Variants in ITGB3BP observed in about 807,000 individuals in gnomAD.
ITGB3BP encodes integrin subunit beta 3 binding protein.
In ITGB3BP, 27 loss-of-function variants were observed where a neutral mutation model predicts 29.1. The ratio of observed to expected loss-of-function variants is 0.93; its 90% CI spans 0.68 to 1.28. ITGB3BP has a LOEUF of 1.28. Among genes scored for constraint, ITGB3BP ranks in the 50% most tolerant of loss-of-function variants. The pLI is 0.00. For synonymous variants in ITGB3BP, 61 were observed against 61.4 expected (o/e 0.99, Z 0.03); for missense variants, 192 against 200.2 (o/e 0.96, Z 0.25).
At chr1:63,509,044 T>C (rs1484347049) in intron 1 of ITGB3BP, among the ~76,000 whole-genome samples, 1 of 152,216 alleles carries the variant, frequency 6.6e-6, no homozygotes, top group African/African-American at 2.4e-5. Flanking sequence ...CACATTATTC[T>C]AGCTTTAAAC....
At chr1:63,442,750 A>T (rs965322033) in intron 8 of ITGB3BP, 2 of 152,214 alleles carry the variant, frequency 1.3e-5, no homozygotes, top group Non-Finnish European at 2.9e-5. Context: ...GCCAGAACTT[A>T]GAAGAGTCTG....
chr1:63,523,225 T>A lies in ITGB3BP; in HGVS notation c.-92A>T, dbSNP rs575007797. 13 of 1,569,318 alleles carry A rather than the reference T, an allele frequency of 8.3e-6. No individual in the cohort carries two copies. Among genetic ancestry groups the A allele is most frequent in the Middle Eastern group, 2.3e-4 (1 of 4,440 alleles). On this transcript the variant is annotated 5_prime_UTR_variant, in exon 1 of 9. An upstream start codon of the reference 5' UTR is lost. Coordinates refer to ENST00000271002, the MANE Select transcript of ITGB3BP (RefSeq NM_014288.5). Reference sequence around the variant, plus strand: ...ATCCGCCAAAGGAAACGCCAAGGCATGAAAAGCGCGCGCTGGACGTTGCGT... The same window carrying A: ...ATCCGCCAAAGGAAACGCCAAGGCAAGAAAAGCGCGCGCTGGACGTTGCGT...
rs758466733 is a variant in ITGB3BP at position 63,454,011 on chromosome 1, T to C, written c.428-37A>G. 1.7e-6 allele frequency: 2 copies of C among 1,196,902 alleles called. No individual in the cohort carries two copies. The highest frequency in any genetic ancestry group is 1.2e-6 in the Non-Finnish European group (1 of 816,464). 74.1% of individuals were successfully genotyped at this position (1,196,902 alleles called of 1,614,324 possible). The stretch of plus-strand genomic sequence containing the variant: ...AAAAATCCCATGTCAAGAATTAACA[T>C]AGAATATGGATAATTTCTCAATACT... On this transcript the variant is annotated intron_variant, in intron 6 of 8. Coordinates refer to ENST00000271002, the MANE Select transcript of ITGB3BP (RefSeq NM_014288.5). The surrounding 1 kb of genome is among the most constrained non-coding windows in gnomAD (Gnocchi z 4.1).
intron 4 of ITGB3BP, among the ~76,000 whole-genome samples, chr1:63,475,392 C>CA (rs1318958899): frequency 6.6e-6 from 1 of 151,906 alleles, no homozygotes; most frequent in Non-Finnish European, 1.5e-5. Context: ...AACATCTCTA[C>CA]AAAAAAATAA....
chr1:63,445,603 CTTT>C (rs542847595), intron 8 of ITGB3BP, among the ~76,000 whole-genome samples: 2 of 140,726 alleles, frequency 1.4e-5, no homozygotes, highest in Non-Finnish European at 1.6e-5. Context: ...GCTAAGAATT[CTTT>C]TTTTTTTTTT....
At chr1:63,522,890 G>A (rs1646489095) in intron 1 of ITGB3BP, 2 of 693,336 alleles carry the variant, frequency 2.9e-6, no homozygotes, top group Non-Finnish European at 5.3e-6. Context: ...ACAGCCCACA[G>A]TTTACGAAAT....
Position 63,454,367 on chromosome 1 carries a change from C to CA in ITGB3BP, c.427+12dup. The CA allele has an allele frequency of 7.0e-7, 1 of 1,427,868 alleles. No homozygotes were observed. 88.4% of individuals were successfully genotyped at this position (1,427,868 alleles called of 1,614,324 possible). A position where few individuals can be genotyped will look rare whatever the true frequency, so the allele number is the denominator to read the frequency against. Reference sequence around the variant, plus strand: ...TTTAAAATTACTGTCATTGAAAACTCAAAAATTCTTACTTAGTTCTTTGGT... The same window carrying CA: ...TTTAAAATTACTGTCATTGAAAACTCAAAAAATTCTTACTTAGTTCTTTGGT... On this transcript the variant is annotated intron_variant, in intron 6 of 8. Coordinates refer to ENST00000271002, the MANE Select transcript of ITGB3BP (RefSeq NM_014288.5). This position sits in a 1 kb window ranked among gnomAD's most constrained non-coding sequence, Gnocchi z 4.1.
intron 2 of ITGB3BP, among the ~76,000 whole-genome samples, chr1:63,504,397 T>C (rs1284692172): frequency 1.3e-5 from 2 of 151,946 alleles, no homozygotes; most frequent in Non-Finnish European, 2.9e-5. Context: ...CCTATCAGCT[T>C]AAGGAGATTT....
chr1:63,508,611 C>T (rs781605364), intron 1 of ITGB3BP, 41 bp from the exon 2 acceptor site: 7 of 936,256 alleles, frequency 7.5e-6, no homozygotes, highest in Non-Finnish European at 1.6e-6. Context: ...ATTTGACACG[C>T]TTTATTTAAA....
chr1:63,466,992 C>A (rs1053245628), intron 4 of ITGB3BP, among the ~76,000 whole-genome samples: 1 of 152,082 alleles, frequency 6.6e-6, no homozygotes, highest in Non-Finnish European at 1.5e-5. Context: ...TCAAATGATT[C>A]TCCAAACAGC....
chr1:63,523,006 A>G (rs1443839445), intron 1 of ITGB3BP, 123 bp downstream of exon 1: 2 of 1,120,574 alleles, frequency 1.8e-6, no homozygotes, highest in Non-Finnish European at 2.7e-6. Context: ...TTGCCTGTGG[A>G]CAGAGGAGAC....
chr1:63,518,798 CT>C (rs1646390421), intron 1 of ITGB3BP, among the ~76,000 whole-genome samples: 1 of 151,610 alleles, frequency 6.6e-6, no homozygotes, highest in Non-Finnish European at 1.5e-5. Context: ...TCTTTTTTAC[CT>C]GCCTTCTTTT....
chr1:63,468,579 T>C (rs1645139798), intron 4 of ITGB3BP, among the ~76,000 whole-genome samples: 1 of 151,130 alleles, frequency 6.6e-6, no homozygotes, highest in Non-Finnish European at 1.5e-5. Flanking sequence ...TACAAAAAAT[T>C]GGCCAGGCGT....
intron 2 of ITGB3BP, among the ~76,000 whole-genome samples, chr1:63,492,905 T>C (rs1446587952): frequency 6.8e-6 from 1 of 147,754 alleles, no homozygotes. Context: ...GCTCAGGAGT[T>C]TGAAACCAGC....
At chr1:63,441,236 C>T (rs1644726106) in intron 8 of ITGB3BP, 133 bp from the exon 9 acceptor site, 1 of 152,014 alleles carries the variant, frequency 6.6e-6, no homozygotes, top group Non-Finnish European at 1.5e-5. Context: ...TGCTGGCAAC[C>T]TCTCATTTGC....
At chr1:63,499,590 G>A (rs1484009890) in intron 2 of ITGB3BP, among the ~76,000 whole-genome samples, 1 of 152,104 alleles carries the variant, frequency 6.6e-6, no homozygotes, top group African/African-American at 2.4e-5. Context: ...AAATACAGAT[G>A]TAAAAATCCT....
intron 4 of ITGB3BP, among the ~76,000 whole-genome samples, chr1:63,455,405 G>GT (rs1261478756): frequency 2.0e-5 from 3 of 151,564 alleles, no homozygotes; most frequent in Admixed American, 6.6e-5. Flanking sequence ...AATGCTTCTA[G>GT]TTTAAAAAAA....
intron 2 of ITGB3BP, among the ~76,000 whole-genome samples, chr1:63,500,625 T>A (rs1393920485): frequency 6.6e-6 from 1 of 152,174 alleles, no homozygotes; most frequent in East Asian, 1.9e-4. Flanking sequence ...TGAAAGATAA[T>A]AAGCGAGATC....
chr1:63,493,915 A>C (rs887504416), intron 2 of ITGB3BP, among the ~76,000 whole-genome samples: 4 of 152,254 alleles, frequency 2.6e-5, no homozygotes, highest in African/African-American at 9.6e-5. Context: ...CAGATACTGT[A>C]GTGTCTGGTC....
Sources: allele counts gnomAD v4.1 joint callset (sites outside exome capture counted in the v4.1 genomes callset), GRCh38; gene constraint gnomAD v4.1.1; non-coding constraint Gnocchi (gnomAD v3.1); transcripts MANE v1.5; gene names NCBI Gene and HGNC (gene_info 2026-07-23, HGNC 2026-07-21).